BAZ2B: variants seen among roughly 807,000 people sequenced by gnomAD.
BAZ2B encodes bromodomain adjacent to zinc finger domain protein 2B.
In BAZ2B, 91 loss-of-function variants were observed where a neutral mutation model predicts 246.0. That is an observed-to-expected ratio of 0.37 (90% confidence interval 0.31 to 0.44). The LOEUF (loss-of-function observed/expected upper bound fraction) is 0.44, where lower values mean the gene tolerates loss of function less well. Among genes scored for constraint, BAZ2B ranks in the 20% least tolerant of loss-of-function variants. The pLI is 1.00. For missense variants in BAZ2B, 2,332 were observed against 2,533.7 expected (o/e 0.92, Z 1.71); for synonymous variants, 855 against 860.0 (o/e 0.99, Z 0.10).
chr2:159,515,311 G>A (rs1559666991), intron 2 of BAZ2B, among the ~76,000 whole-genome samples: 1 of 151,864 alleles, frequency 6.6e-6, no homozygotes, highest in Non-Finnish European at 1.5e-5. Flanking sequence ...AAGTATATTT[G>A]TCACTCTTTA....
In BAZ2B at chr2:159,349,669, A is replaced by G. The variant is rs75114211; in HGVS notation, c.4863+39T>C. The G allele has an allele frequency of 1.0e-2, 15,322 of 1,537,672 alleles. 113 individuals carry two copies. Among genetic ancestry groups the G allele is most frequent in the Non-Finnish European group, 0.012 (13,979 of 1,133,980 alleles). On this transcript the variant is annotated intron_variant, in intron 28 of 36. Transcript: ENST00000392783. The stretch of plus-strand genomic sequence containing the variant: ...ATCTCCATGGGGTCAAAGATTACAT[A>G]AAGCAATATAAAAATGAGTTACAGT...
intron 31 of BAZ2B, among the ~76,000 whole-genome samples, chr2:159,343,129 T>C (rs1208782057): frequency 6.6e-6 from 1 of 152,190 alleles, no homozygotes; most frequent in Non-Finnish European, 1.5e-5. Flanking sequence ...TACAATCAAC[T>C]GCTTTTTAAC....
chr2:159,328,069 CGAAAAA>C (rs1558959944), intron 34 of BAZ2B, among the ~76,000 whole-genome samples: 28 of 111,512 alleles, frequency 2.5e-4, no homozygotes, highest in Non-Finnish European at 3.0e-4. Flanking sequence ...AGCCTCAAAA[CGAAAAA>C]AAAAAAAAAA....
intron 18 of BAZ2B, among the ~76,000 whole-genome samples, chr2:159,398,507 CATAAAT>C (rs1008497051): frequency 6.6e-6 from 1 of 151,558 alleles, no homozygotes; most frequent in African/African-American, 2.4e-5. Context: ...TAAACATAAA[CATAAAT>C]AACACACAAA....
intron 2 of BAZ2B, among the ~76,000 whole-genome samples, chr2:159,502,683 A>G (rs998405094): frequency 6.6e-6 from 1 of 152,136 alleles, no homozygotes; most frequent in African/African-American, 2.4e-5. Flanking sequence ...ACAGAATGCC[A>G]TTTGACTTAA....
chr2:159,490,164 T>C (rs981994440), intron 2 of BAZ2B, among the ~76,000 whole-genome samples: 2 of 152,216 alleles, frequency 1.3e-5, no homozygotes, highest in Non-Finnish European at 2.9e-5. Flanking sequence ...TTAATTCTTT[T>C]TGTAAATACT....
rs761468339 is a variant in BAZ2B, at chr2:159,448,332, G to C, written c.412C>G (p.Pro138Ala). The change falls in exon 5 of 37, where the codon CCA becomes GCA. Residue 138 changes from proline to alanine, a missense_variant. By Grantham distance (27) the Pro-to-Ala change is conservative (BLOSUM62 -1). Around this residue, in one of 9 missense-constraint regions of BAZ2B, gnomAD observed 242 missense variants for 237.4 expected, o/e 1.02. Transcript: ENST00000392783. ...TTCTGGGCTGGGGGAGCAAATAGTGGTGGAATTCCCAGTAATGGTGGAAAG... is the reference window on the plus strand; with the variant it reads ...TTCTGGGCTGGGGGAGCAAATAGTGCTGGAATTCCCAGTAATGGTGGAAAG... Reference protein sequence around the residue: ...TFFPPLLGIPPLFAPPAQNHD... With the variant: ...TFFPPLLGIPALFAPPAQNHD... The C allele has an allele frequency of 6.2e-7, 1 of 1,613,412 alleles. No homozygotes were observed. The highest frequency in any genetic ancestry group is 1.3e-5 in the African/African-American group (1 of 74,974).
intron 2 of BAZ2B, among the ~76,000 whole-genome samples, chr2:159,513,410 T>C (rs946073142): frequency 6.6e-6 from 1 of 152,206 alleles, no homozygotes; most frequent in East Asian, 1.9e-4. Context: ...TTCTTCAGTC[T>C]CAATTTGGGT....
chr2:159,397,384 T>C lies in BAZ2B; in HGVS notation c.2970A>G (p.Lys990=). 6.5e-7 allele frequency: 1 copy of C among 1,543,432 alleles called. No individual in the cohort carries two copies. Among genetic ancestry groups the C allele is most frequent in the Non-Finnish European group, 8.8e-7 (1 of 1,130,740 alleles). The change falls in exon 19 of 37, where the codon AAA becomes AAG. Residue 990 remains lysine (K), a synonymous_variant. Transcript: ENST00000392783. ...LLEAEKRIKE[K]EMRRQQAVLL... ...GAACAGCTTGTTGTCTTCTCATTTC[T>C]TTTTCCTTAAAAATAAGAAACTTTT... is the stretch of plus-strand genomic sequence containing the variant.
the BAZ2B span, among the ~76,000 whole-genome samples, chr2:159,675,107 T>A: frequency 0.46 from 69,479 of 151,916 alleles, 16,742 homozygotes; most frequent in Middle Eastern, 0.64. Flanking sequence ...TAGACTGGAA[T>A]AAGATTTATT....
Position 159,432,765 on chromosome 2 carries a change from C to T in BAZ2B, c.1892G>A (p.Ser631Asn), listed in dbSNP as rs760483167. ...EDDEDDESDD[S>N]QSESDSNSES... Reference sequence around the variant, plus strand: ...TTTAAAATGAAAATAACCTGATTGGCTGTCATCAGATTCATCATCTTCATC... The same window carrying T: ...TTTAAAATGAAAATAACCTGATTGGTTGTCATCAGATTCATCATCTTCATC... Residue 631 changes from serine (S) to asparagine (N), a missense_variant, in exon 9 of 37, where the codon AGC becomes AAC. By Grantham distance (46) the Ser-to-Asn change is conservative. Coordinates refer to ENST00000392783, the MANE Select transcript of BAZ2B (RefSeq NM_013450.4). 60 of 1,610,380 alleles carry T rather than the reference C, an allele frequency of 3.7e-5. 1 individual carries two copies. In the South Asian group the frequency reaches 6.6e-4, roughly 18 times the overall value.
At chr2:159,335,377 T>C (rs1012857534) in intron 33 of BAZ2B, among the ~76,000 whole-genome samples, 15 of 151,870 alleles carry the variant, frequency 9.9e-5, no homozygotes, top group Non-Finnish European at 7.4e-5. Context: ...TGAAACACTG[T>C]CTTTACTGAA....
the BAZ2B span, chr2:159,694,229 A>C: frequency 6.6e-6 from 1 of 152,184 alleles, no homozygotes; most frequent in Non-Finnish European, 1.5e-5. Context: ...ACAAGCCAAA[A>C]AAGAGGCCTG....
At chr2:159,463,264 T>C in intron 3 of BAZ2B, 1 of 400,396 alleles carries the variant, frequency 2.5e-6, no homozygotes, top group South Asian at 2.3e-5. Flanking sequence ...CATCTTGGGC[T>C]GTTCTCAACA....
intron 2 of BAZ2B, among the ~76,000 whole-genome samples, chr2:159,506,370 T>C (rs1332939434): frequency 6.6e-6 from 1 of 152,162 alleles, no homozygotes; most frequent in Non-Finnish European, 1.5e-5. Flanking sequence ...TGAGCTGTAA[T>C]ATGCTGTATT....
chr2:159,573,968 G>A (rs1051118338), intron 1 of BAZ2B, among the ~76,000 whole-genome samples: 1 of 152,032 alleles, frequency 6.6e-6, no homozygotes, highest in Admixed American at 6.6e-5. Flanking sequence ...GGGTGTGTTG[G>A]CATGTGCCCA....
At chr2:159,609,944 C>T (rs1206428041) in intron 1 of BAZ2B, among the ~76,000 whole-genome samples, 1 of 152,122 alleles carries the variant, frequency 6.6e-6, no homozygotes, top group Non-Finnish European at 1.5e-5. Context: ...AAAGCCAAAT[C>T]CCAGCACTAT....
intron 27 of BAZ2B, among the ~76,000 whole-genome samples, chr2:159,353,621 A>C (rs2058782157): frequency 6.6e-6 from 1 of 152,244 alleles, no homozygotes. Flanking sequence ...AATACTGATC[A>C]GCACATATGT....
At chr2:159,603,607 A>T (rs1692696580) in intron 1 of BAZ2B, among the ~76,000 whole-genome samples, 2 of 151,366 alleles carry the variant, frequency 1.3e-5, no homozygotes, top group Non-Finnish European at 3.0e-5. Context: ...TCACCCTGTT[A>T]AAAAAAAATC....
Sources: allele counts gnomAD v4.1 joint callset (sites outside exome capture counted in the v4.1 genomes callset), GRCh38; gene constraint gnomAD v4.1.1; regional missense constraint gnomAD v4.1.1; transcripts MANE v1.5; gene names NCBI Gene and HGNC (gene_info 2026-07-23, HGNC 2026-07-21).